Variants in RBL1 observed in about 807,000 individuals in gnomAD.
RBL1 encodes the protein retinoblastoma-like protein 1.
A neutral mutation model predicts 123.0 loss-of-function variants in RBL1; 82 were observed. That is an observed-to-expected ratio of 0.67 (90% confidence interval 0.56 to 0.80). The LOEUF (loss-of-function observed/expected upper bound fraction) is 0.80, where lower values mean the gene tolerates loss of function less well. RBL1 is among the 30% of genes least tolerant of loss of function. The pLI is 0.00. For missense variants in RBL1, 1,171 were observed against 1,299.6 expected, an observed-to-expected ratio of 0.90 and a Z score of 1.52; for synonymous variants, 405 against 441.3, an observed-to-expected ratio of 0.92 and a Z score of 1.03.
chr20:37,048,901 TAAAAAA>T (rs948529702), intron 11 of RBL1, among the ~76,000 whole-genome samples: 1 of 111,262 alleles, frequency 9.0e-6, no homozygotes, highest in Non-Finnish European at 1.9e-5. Context: ...ACCATCGTAT[TAAAAAA>T]AAAAAAAAAA....
chr20:37,057,605 C>T (rs954215063), intron 9 of RBL1, among the ~76,000 whole-genome samples: 5 of 152,066 alleles, frequency 3.3e-5, no homozygotes, highest in Admixed American at 6.6e-5. Flanking sequence ...AGTATGAACC[C>T]CTTAACTAAT....
chr20:37,075,177 T>C (rs948805284), intron 2 of RBL1, among the ~76,000 whole-genome samples: 2 of 152,210 alleles, frequency 1.3e-5, no homozygotes, highest in African/African-American at 4.8e-5. Flanking sequence ...GAGACAGAAG[T>C]TGGATCAGTG....
intron 1 of RBL1, among the ~76,000 whole-genome samples, chr20:37,093,930 C>CTTAG (rs2065688408): frequency 6.6e-6 from 1 of 151,556 alleles, no homozygotes; most frequent in Non-Finnish European, 1.5e-5. Flanking sequence ...TGTGAGCCAC[C>CTTAG]GTGCGCCCGG....
At chr20:37,016,978 G>C (rs1211652994) in intron 19 of RBL1, among the ~76,000 whole-genome samples, 2 of 151,604 alleles carry the variant, frequency 1.3e-5, no homozygotes, top group East Asian at 3.9e-4. Flanking sequence ...GAAAGGAGAG[G>C]AGAGGAGAGG....
At chr20:37,049,709 T>A in intron 11 of RBL1, 1 of 678,656 alleles carries the variant, frequency 1.5e-6, no homozygotes, top group Non-Finnish European at 2.6e-6. Context: ...GATAACTAAC[T>A]GTGTATGAGT....
At chr20:37,046,153 A>C (rs2064816210) in intron 12 of RBL1, among the ~76,000 whole-genome samples, 1 of 152,242 alleles carries the variant, frequency 6.6e-6, no homozygotes, top group African/African-American at 2.4e-5. Flanking sequence ...GGGAAGAAGC[A>C]TAATCTATTA....
chr20:37,091,042 A>G (rs567622513), intron 1 of RBL1, among the ~76,000 whole-genome samples: 4 of 152,312 alleles, frequency 2.6e-5, no homozygotes, highest in East Asian at 1.9e-4. Context: ...CTGAAATACA[A>G]TAGCTGAAGT....
intron 17 of RBL1, 72 bp from the exon 18 acceptor site, chr20:37,020,802 A>T: frequency 2.9e-6 from 3 of 1,036,302 alleles, no homozygotes; most frequent in Non-Finnish European, 4.2e-6. Context: ...AACTTCAATT[A>T]TAAGTTGGCA....
intron 20 of RBL1, among the ~76,000 whole-genome samples, chr20:37,005,589 A>G (rs186445459): frequency 4.9e-4 from 74 of 152,302 alleles, no homozygotes; most frequent in Middle Eastern, 3.4e-3. Flanking sequence ...ATGAAATGGG[A>G]AAGACTTCAT....
chr20:37,032,528 T>C (rs974217068), intron 16 of RBL1, 137 bp downstream of exon 16: 5 of 1,352,296 alleles, frequency 3.7e-6, no homozygotes, highest in African/African-American at 2.9e-5. Context: ...CATTGAACTG[T>C]ACACTTAAAA....
intron 16 of RBL1, among the ~76,000 whole-genome samples, chr20:37,023,173 G>A (rs545576367): frequency 1.3e-5 from 2 of 151,794 alleles, no homozygotes; most frequent in East Asian, 3.9e-4. Flanking sequence ...CCAGGCTGGA[G>A]TGCAGTGGCA....
intron 19 of RBL1, among the ~76,000 whole-genome samples, chr20:37,015,914 G>A (rs1045263002): frequency 3.3e-5 from 5 of 149,646 alleles, no homozygotes; most frequent in South Asian, 2.1e-4. Context: ...TAGTAGAGAC[G>A]GGTTTCACCA....
chr20:37,015,434 T>C (rs147972084), intron 19 of RBL1, among the ~76,000 whole-genome samples: 3,244 of 151,838 alleles, frequency 0.021, 53 homozygotes, highest in Middle Eastern at 0.038. Context: ...TTTTTTGTTG[T>C]TGTTTTTTTT....
intron 7 of RBL1, among the ~76,000 whole-genome samples, chr20:37,064,664 C>T (rs1320969184): frequency 6.6e-6 from 1 of 152,040 alleles, no homozygotes; most frequent in Non-Finnish European, 1.5e-5. Flanking sequence ...GGCTGGAGTG[C>T]AGTGGCATGA....
chr20:37,073,536 A>G (rs1025200947), intron 2 of RBL1, among the ~76,000 whole-genome samples: 1 of 150,574 alleles, frequency 6.6e-6, no homozygotes, highest in Non-Finnish European at 1.5e-5. Flanking sequence ...CATGTCTACA[A>G]AAAACTTAAA....
At chr20:37,053,217 T>C (rs1310845322) in intron 11 of RBL1, among the ~76,000 whole-genome samples, 2 of 152,182 alleles carry the variant, frequency 1.3e-5, no homozygotes, top group African/African-American at 2.4e-5. Context: ...CATCCAACAA[T>C]AGCAGAATAC....
At chr20:37,068,674 T>A (rs2065223991) in intron 2 of RBL1, among the ~76,000 whole-genome samples, 1 of 152,168 alleles carries the variant, frequency 6.6e-6, no homozygotes, top group Non-Finnish European at 1.5e-5. Flanking sequence ...TTCTCTATAT[T>A]ACCTAGACAA....
At position 36,998,515 on chromosome 20, in the gene RBL1, C is replaced by T. The variant is rs887045877; in HGVS notation, c.*244G>A. 20 of 366,796 alleles carry T rather than the reference C, an allele frequency of 5.5e-5. No individual in the cohort carries two copies. Among genetic ancestry groups the T allele is most frequent in the Non-Finnish European group, 8.4e-5 (17 of 203,090 alleles). 22.7% of individuals were successfully genotyped at this position (366,796 alleles called of 1,614,324 possible). ...CTGGGATTACAGGCGTGAGCCACAG[C>T]GCCTGGCCGGACTATTAGTATTTTT... On this transcript the variant is annotated 3_prime_UTR_variant, in exon 22 of 22. Transcript: ENST00000373664.
At chr20:37,068,255 A>G (rs973331652) in intron 2 of RBL1, 69 bp from the exon 3 acceptor site, 263 of 1,484,794 alleles carry the variant, frequency 1.8e-4, no homozygotes, top group Non-Finnish European at 2.2e-4. Flanking sequence ...GAAAGGAAAT[A>G]TTCTATTCAT....
Sources: gnomAD v4.1 joint callset for allele counts (sites outside exome capture counted in the v4.1 genomes callset) on GRCh38, gnomAD v4.1.1 for gene constraint, MANE v1.5 for transcripts, NCBI Gene and HGNC (gene_info 2026-07-23, HGNC 2026-07-21) for gene names.